The following LUZP2 variants were observed in gnomAD, a reference collection of about 807,000 sequenced individuals.
LUZP2 encodes the protein leucine zipper protein 2.
Under a neutral mutation model 51.6 loss-of-function variants are expected in LUZP2, and 52 were observed. The ratio of observed to expected loss-of-function variants is 1.01; its 90% CI spans 0.81 to 1.27. The LOEUF (loss-of-function observed/expected upper bound fraction) is 1.27. Ranked by LOEUF, LUZP2 falls within the 50% of genes most tolerant of loss-of-function variation. The pLI, the probability that LUZP2 is intolerant of heterozygous loss-of-function variation, is 0.00. For missense variants in LUZP2, 436 were observed against 395.4 expected (o/e 1.10, Z -0.87); for synonymous variants, 154 against 137.3 (o/e 1.12, Z -0.85).
chr11:25,064,629 G>A (rs905220826), intron 10 of LUZP2, among the ~76,000 whole-genome samples: 4 of 151,756 alleles, frequency 2.6e-5, no homozygotes, highest in Admixed American at 1.3e-4. Flanking sequence ...AGAGGTGACC[G>A]AACCCATCCA....
intron 9 of LUZP2, among the ~76,000 whole-genome samples, chr11:25,028,714 A>G (rs752800342): frequency 6.7e-5 from 10 of 149,462 alleles, no homozygotes; most frequent in Non-Finnish European, 1.5e-4. Flanking sequence ...CTTTCTTTCC[A>G]TTTTATATTG....
chr11:24,582,421 C>T (rs552258717), intron 1 of LUZP2, among the ~76,000 whole-genome samples: 1 of 148,084 alleles, frequency 6.8e-6, no homozygotes, highest in African/African-American at 2.5e-5. Context: ...ATTAAAGCCA[C>T]AGTACATAGG....
At position 24,753,201 on chromosome 11, in the gene LUZP2, G is replaced by A. The variant is rs574352954; in HGVS notation, c.334-10045G>A. ...CATAGAATATCTTAAAAATACAATT[G>A]ATAATTTTATTTTATTTTACATCCA... On this transcript the variant is annotated intron_variant, in intron 4 of 11. Transcript: ENST00000336930. 9.2e-5 allele frequency among the ~76,000 whole-genome samples: 14 copies of A among 152,168 alleles called. 1 individual carries two copies. In the South Asian group the frequency reaches 2.9e-3, roughly 32 times the overall value.
At chr11:24,721,075 A>G (rs1179200703) in intron 1 of LUZP2, among the ~76,000 whole-genome samples, 1 of 152,208 alleles carries the variant, frequency 6.6e-6, no homozygotes, top group African/African-American at 2.4e-5. Flanking sequence ...AGAAGCTGAG[A>G]AAAATAACAT....
chr11:24,875,751 C>A (rs1337263450), intron 5 of LUZP2, among the ~76,000 whole-genome samples: 3 of 152,164 alleles, frequency 2.0e-5, no homozygotes, highest in Non-Finnish European at 4.4e-5. Context: ...TCTCCAAATC[C>A]TCTCCAGCAC....
At chr11:24,903,881 T>G (rs181938481) in intron 5 of LUZP2, among the ~76,000 whole-genome samples, 1 of 152,254 alleles carries the variant, frequency 6.6e-6, no homozygotes, top group Admixed American at 6.5e-5. Context: ...GGGTAACAGA[T>G]CTGTGTATAC....
intron 5 of LUZP2, among the ~76,000 whole-genome samples, chr11:24,898,656 C>T (rs903184984): frequency 4.6e-5 from 7 of 151,550 alleles, no homozygotes; most frequent in Non-Finnish European, 1.0e-4. Flanking sequence ...AGTTTAAAAC[C>T]AGGGTGGGTC....
chr11:24,904,534 C>T (rs564079932), intron 5 of LUZP2, among the ~76,000 whole-genome samples: 21 of 152,298 alleles, frequency 1.4e-4, no homozygotes, highest in South Asian at 6.2e-4. Context: ...CCACCCGCCT[C>T]AGCCTCCCAA....
chr11:24,575,943 G>C (rs1363803083), intron 1 of LUZP2, among the ~76,000 whole-genome samples: 1 of 151,916 alleles, frequency 6.6e-6, no homozygotes. Flanking sequence ...AGTTCATTTG[G>C]ACAGATAGCC....
intron 10 of LUZP2, among the ~76,000 whole-genome samples, chr11:25,061,828 C>T (rs1367303931): frequency 6.6e-6 from 1 of 152,002 alleles, no homozygotes; most frequent in Non-Finnish European, 1.5e-5. Context: ...TTTAATTATA[C>T]ATGCATAAAG....
At chr11:24,537,130 C>A (rs1472563281) in intron 1 of LUZP2, among the ~76,000 whole-genome samples, 2 of 151,776 alleles carry the variant, frequency 1.3e-5, no homozygotes, top group Non-Finnish European at 2.9e-5. Context: ...GACTACAGAT[C>A]ACTATAATGG....
intron 9 of LUZP2, among the ~76,000 whole-genome samples, chr11:25,043,110 T>C (rs1858127142): frequency 6.6e-6 from 1 of 152,192 alleles, no homozygotes; most frequent in African/African-American, 2.4e-5. Context: ...CTGATCCTGC[T>C]GGACCTCGAT....
intron 6 of LUZP2, among the ~76,000 whole-genome samples, chr11:24,913,669 TTG>T (rs35901522): frequency 0.11 from 16,617 of 148,342 alleles, 2,980 homozygotes; most frequent in African/African-American, 0.38. Context: ...ATCTATTTAT[TTG>T]TGTGTGTGTG....
At chr11:24,784,317 A>C (rs1019832505) in intron 5 of LUZP2, among the ~76,000 whole-genome samples, 22 of 151,702 alleles carry the variant, frequency 1.5e-4, no homozygotes, top group Non-Finnish European at 2.7e-4. Context: ...TACTACCAAC[A>C]CTTATTTCAC....
intron 1 of LUZP2, among the ~76,000 whole-genome samples, chr11:24,565,018 A>G (rs1852168568): frequency 6.6e-6 from 1 of 152,196 alleles, no homozygotes. Context: ...TGGAGTAATT[A>G]ATGGGGACAT....
At chr11:25,044,755 C>T (rs577364819) in intron 9 of LUZP2, among the ~76,000 whole-genome samples, 44 of 151,808 alleles carry the variant, frequency 2.9e-4, no homozygotes, top group Admixed American at 1.8e-3. Context: ...AAGACACATG[C>T]GCACGTATGT....
intron 5 of LUZP2, among the ~76,000 whole-genome samples, chr11:24,820,894 T>C (rs546049496): frequency 6.6e-6 from 1 of 152,138 alleles, no homozygotes; most frequent in South Asian, 2.1e-4. Context: ...AGAGACTTTT[T>C]TGATGTTCAA....
intron 5 of LUZP2, among the ~76,000 whole-genome samples, chr11:24,867,442 T>G (rs1851933343): frequency 6.6e-6 from 1 of 152,188 alleles, no homozygotes; most frequent in Admixed American, 6.5e-5. Flanking sequence ...CTTCCAGTCA[T>G]TTTGTTATTG....
chr11:24,566,322 A>C (rs1389525658), intron 1 of LUZP2, among the ~76,000 whole-genome samples: 2 of 3,650 alleles, frequency 5.5e-4, no homozygotes, highest in Non-Finnish European at 1.7e-3. Context: ...TGTATTATTT[A>C]TTTATTTTTT....
Sources: gnomAD v4.1 joint callset for allele counts (sites outside exome capture counted in the v4.1 genomes callset) on GRCh38, gnomAD v4.1.1 for gene constraint, MANE v1.5 for transcripts, NCBI Gene and HGNC (gene_info 2026-07-23, HGNC 2026-07-21) for gene names.